Variants in SOD1 observed in about 807,000 individuals in gnomAD.
The protein encoded by SOD1 is superoxide dismutase 1.
SOD1 carries 8 observed loss-of-function variants against 15.9 expected under a neutral mutation model. The ratio of observed to expected loss-of-function variants is 0.50; its 90% CI spans 0.30 to 0.91. SOD1 has a LOEUF of 0.91. SOD1 is among the 40% of genes least tolerant of loss of function. SOD1 has a pLI of 0.07. For synonymous variants in SOD1, 86 were observed against 71.2 expected (o/e 1.21, Z -1.04); for missense variants, 137 against 194.5 (o/e 0.70, Z 1.76).
At chr21:31,667,658 A>T (rs2049608118) in intron 4 of SOD1, among the ~76,000 whole-genome samples, 1 of 152,240 alleles carries the variant, frequency 6.6e-6, no homozygotes, top group South Asian at 2.1e-4. Context: ...TAAAATGGCC[A>T]GATTTTCTTG....
Position 31,659,796 on chromosome 21 carries a change from G to C in SOD1, c.27G>C (p.Leu9=). Reference sequence around the variant, plus strand: ...TGGCGACGAAGGCCGTGTGCGTGCTGAAGGGCGACGGCCCAGTGCAGGGCA... The same window carrying C: ...TGGCGACGAAGGCCGTGTGCGTGCTCAAGGGCGACGGCCCAGTGCAGGGCA... MATKAVCV[L]KGDGPVQGII... Residue 9 remains leucine (L), a synonymous_variant, in exon 1 of 5, where the codon CTG becomes CTC. Coordinates refer to ENST00000270142, the MANE Select transcript of SOD1 (RefSeq NM_000454.5). 5 of 1,613,938 alleles carry C rather than the reference G, an allele frequency of 3.1e-6. No homozygotes were observed. The South Asian group carries it at 3.3e-5, about 11-fold the overall frequency.
At chr21:31,660,548 T>G (rs976993918) in intron 1 of SOD1, 1 of 152,202 alleles carries the variant, frequency 6.6e-6, no homozygotes, top group Non-Finnish European at 1.5e-5. Context: ...CTTTTCCTCC[T>G]CCTAAGCTCC....
Position 31,666,495 on chromosome 21 carries a change from C to A in SOD1, c.216C>A (p.His72Gln). 2 of 1,612,260 alleles carry A rather than the reference C, an allele frequency of 1.2e-6. No homozygotes were observed. Among genetic ancestry groups the A allele is most frequent in the Non-Finnish European group, 1.7e-6 (2 of 1,178,504 alleles). ...ACTTTAATCCTCTATCCAGAAAACA[C>A]GGTGGGCCAAAGGATGAAGAGAGGT... ...GPHFNPLSRK[H>Q]GGPKDEERHV... Residue 72 changes from histidine to glutamine, a missense_variant, in exon 3 of 5, where the codon CAC becomes CAA. Physicochemically the swap from His to Gln is conservative, Grantham distance 24 (BLOSUM62 0). Coordinates refer to ENST00000270142, the MANE Select transcript of SOD1 (RefSeq NM_000454.5).
Position 31,666,906 on chromosome 21 carries a change from TTA to T in SOD1, c.240-348_240-347del, listed in dbSNP as rs2049598356. 6 of 401,612 alleles carry T rather than the reference TTA, an allele frequency of 1.5e-5. No individual in the cohort carries two copies. The South Asian group carries it at 1.6e-4, about 11-fold the overall frequency. 24.9% of individuals were successfully genotyped at this position (401,612 alleles called of 1,614,324 possible). A position where few individuals can be genotyped will look rare whatever the true frequency, so the allele number is the denominator to read the frequency against. ...TACTGAAAACTAGTCGAGACTCCATTTATATGTGTATGTTTTCTGAAAGCCTT... is the reference window on the plus strand; with the variant it reads ...TACTGAAAACTAGTCGAGACTCCATTTATGTGTATGTTTTCTGAAAGCCTT... On this transcript the variant is annotated intron_variant, in intron 3 of 4. Transcript: ENST00000270142.
Position 31,668,326 on chromosome 21 carries a change from A to G in SOD1, c.358-145A>G. ...CTTTGAGTAGTAGTTTCTACTTTTA[A>G]ACTACTAAATATTAGTATATCTCTC... On this transcript the variant is annotated intron_variant, in intron 4 of 4. Transcript: ENST00000270142. The G allele has an allele frequency of 4.6e-6, 3 of 647,334 alleles. No homozygotes were observed. The South Asian group carries it at 5.2e-5, about 11-fold the overall frequency. 40.1% of individuals were successfully genotyped at this position (647,334 alleles called of 1,614,324 possible).
intron 1 of SOD1, among the ~76,000 whole-genome samples, chr21:31,661,941 A>T (rs1274863297): frequency 6.6e-6 from 1 of 152,224 alleles, no homozygotes; most frequent in Admixed American, 6.5e-5. Flanking sequence ...TAGTTTTTAC[A>T]GATCAGAATT....
chr21:31,667,376 G>T lies in SOD1; in HGVS notation c.357+1G>T, dbSNP rs779393665. 2.5e-6 allele frequency: 4 copies of T among 1,601,172 alleles called. No homozygotes were observed. The South Asian group carries it at 3.3e-5, about 13-fold the overall frequency. On this transcript the variant is annotated splice_donor_variant, in intron 4 of 4. Transcript: ENST00000270142. LOFTEE classifies it high-confidence loss of function. ...TTGCATCATTGGCCGCACACTGGTG[G>T]TAAGTTTTCATAAAAGGATATGCAT...
intron 4 of SOD1, 38 bp downstream of exon 4, chr21:31,667,413 T>C (rs1568810865): frequency 7.6e-7 from 1 of 1,310,598 alleles, no homozygotes; most frequent in East Asian, 2.3e-5. Flanking sequence ...AAACTTCTTC[T>C]AACATACAGT....
intron 1 of SOD1, 50 bp downstream of exon 1, chr21:31,659,891 TC>T (rs765098981): frequency 4.7e-4 from 738 of 1,575,766 alleles, no homozygotes; most frequent in Non-Finnish European, 5.9e-4. Context: ...CACCCGCTCG[TC>T]CCCCCGCGCA....
At position 31,659,849 on chromosome 21, in the gene SOD1, C is replaced by A; in HGVS notation, c.72+8C>A. ...ATCAATTTCGAGCAGAAGGCAAGGG[C>A]TGGGACGGAGGCTTGTTTGCGAGGC... On this transcript the variant is annotated splice_region_variant and intron_variant, in intron 1 of 4. Transcript: ENST00000270142. 1.2e-6 allele frequency: 2 copies of A among 1,612,600 alleles called. No homozygotes were observed. The highest frequency in any genetic ancestry group is 1.7e-6 in the Non-Finnish European group (2 of 1,179,402).
At position 31,668,632 on chromosome 21, in the gene SOD1, C is replaced by A; in HGVS notation, c.*54C>A. The A allele has an allele frequency of 3.2e-6, 4 of 1,243,712 alleles. No individual in the cohort carries two copies. Among genetic ancestry groups the A allele is most frequent in the Non-Finnish European group, 4.8e-6 (4 of 841,944 alleles). The allele number at this position is 1,243,712 out of a possible 1,614,324, so 77.0% of individuals were successfully genotyped here. Reference sequence around the variant, plus strand: ...CTTAACTCATCTGTTATCCTGCTAGCTGTAGAAATGTATCCTGATAAACAT... The same window carrying A: ...CTTAACTCATCTGTTATCCTGCTAGATGTAGAAATGTATCCTGATAAACAT... On this transcript the variant is annotated 3_prime_UTR_variant, in exon 5 of 5. Transcript: ENST00000270142.
At chr21:31,663,692 C>A (rs1395350835) in intron 1 of SOD1, 98 bp from the exon 2 acceptor site, 6 of 964,566 alleles carry the variant, frequency 6.2e-6, no homozygotes, top group East Asian at 2.6e-5. Context: ...TTTTCCACTC[C>A]CAAGTCTGGC....
At chr21:31,667,171 A>C in intron 3 of SOD1, 87 bp from the exon 4 acceptor site, 2 of 1,018,102 alleles carry the variant, frequency 2.0e-6, no homozygotes, top group South Asian at 2.6e-5. Context: ...ATTTGTGTCT[A>C]CTCAGTCAAG....
At chr21:31,668,416 G>C (rs2049616954) in intron 4 of SOD1, 55 bp from the exon 5 acceptor site, 2 of 1,112,146 alleles carry the variant, frequency 1.8e-6, no homozygotes, top group Non-Finnish European at 2.8e-6. Flanking sequence ...GTATTGTTGG[G>C]AGGAGGTAGT....
chr21:31,659,881 C>T (rs1419997166), intron 1 of SOD1, 40 bp downstream of exon 1: 1 of 1,590,962 alleles, frequency 6.3e-7, no homozygotes, highest in Non-Finnish European at 8.6e-7. Flanking sequence ...AGGCCGCTCC[C>T]ACCCGCTCGT....
intron 4 of SOD1, 76 bp from the exon 5 acceptor site, chr21:31,668,395 A>C: frequency 2.2e-6 from 2 of 913,962 alleles, no homozygotes; most frequent in Non-Finnish European, 3.7e-6. Context: ...AGGTTCTTAA[A>C]CATCTTTTGG....
At chr21:31,660,070 G>T in intron 1 of SOD1, 1 of 229,696 alleles carries the variant, frequency 4.4e-6, no homozygotes, top group South Asian at 1.7e-4. Context: ...GCCGCCGCGG[G>T]GCTGGGCCTG....
intron 1 of SOD1, among the ~76,000 whole-genome samples, chr21:31,661,018 G>T (rs1024020584): frequency 6.6e-6 from 1 of 152,158 alleles, no homozygotes; most frequent in Non-Finnish European, 1.5e-5. Flanking sequence ...ATTACAAAAC[G>T]TGTTGCAAGG....
rs1468373829 is a variant in SOD1, at chr21:31,666,702, T to C, written c.239+184T>C. ...CTTTTACTTCCTGGGCTTAAAGGAATTGACAAATGGGGACACTTAAAACGA... is the reference window on the plus strand; with the variant it reads ...CTTTTACTTCCTGGGCTTAAAGGAACTGACAAATGGGGACACTTAAAACGA... On this transcript the variant is annotated intron_variant, in intron 3 of 4. Transcript: ENST00000270142. 4.6e-6 allele frequency: 3 copies of C among 650,016 alleles called. No homozygotes were observed. The African/African-American group carries it at 5.4e-5, about 12-fold the overall frequency. 40.3% of individuals were successfully genotyped at this position (650,016 alleles called of 1,614,324 possible). A position where few individuals can be genotyped will look rare whatever the true frequency, so the allele number is the denominator to read the frequency against.
Sources: gnomAD v4.1 joint callset for allele counts (sites outside exome capture counted in the v4.1 genomes callset) on GRCh38, gnomAD v4.1.1 for gene constraint, MANE v1.5 for transcripts, NCBI Gene and HGNC (gene_info 2026-07-23, HGNC 2026-07-21) for gene names.